Variants in NTF4 observed in about 807,000 individuals in gnomAD.
NTF4 encodes the protein neurotrophin-4.
In NTF4, 2 loss-of-function variants were observed where a neutral mutation model predicts 4.4. That is an observed-to-expected ratio of 0.46 (90% CI 0.19 to 1.44). NTF4 has a LOEUF of 1.44. Among genes scored for constraint, NTF4 ranks in the 40% most tolerant of loss-of-function variants. The pLI, the probability that NTF4 is intolerant of heterozygous loss-of-function variation, is 0.26. For missense variants in NTF4, 260 were observed against 293.0 expected (o/e 0.89, Z 0.82); for synonymous variants, 127 against 122.0 (o/e 1.04, Z -0.27).
At chr19:49,063,229 A>T (rs1055325857), upstream of NTF4, among the ~76,000 whole-genome samples, 1 of 150,646 alleles carries the variant, frequency 6.6e-6, no homozygotes, top group Non-Finnish European at 1.5e-5. Context: ...CTGGTCTTGA[A>T]CTCCCAACCT....
downstream of NTF4, among the ~76,000 whole-genome samples, chr19:49,060,069 A>AAAAAAAAC (rs71179077): frequency 7.6e-6 from 1 of 131,926 alleles, no homozygotes; most frequent in African/African-American, 2.7e-5. Flanking sequence ...AAAAAAAAAA[A>AAAAAAAAC]GCTTTTGGTC....
downstream of NTF4, among the ~76,000 whole-genome samples, chr19:49,059,682 G>C (rs920084995): frequency 1.7e-4 from 26 of 152,056 alleles, no homozygotes; most frequent in Admixed American, 3.3e-4. Context: ...TGGGGCGATG[G>C]GTAACATGTG....
downstream of NTF4, chr19:49,058,735 G>C (rs971860463): frequency 1.8e-4 from 34 of 185,698 alleles, no homozygotes; most frequent in Non-Finnish European, 2.0e-4. Flanking sequence ...ACCACGGGGG[G>C]CCACAGCGCA....
chr19:49,063,252 G>A (rs537416075), upstream of NTF4, among the ~76,000 whole-genome samples: 29 of 151,762 alleles, frequency 1.9e-4, no homozygotes, highest in Admixed American at 8.5e-4. Flanking sequence ...AGCAATAGTC[G>A]TGTCCTGGCC....
In NTF4 at chr19:49,061,865, G is replaced by A. The variant is rs1375951283; in HGVS notation, c.133C>T (p.Arg45Ter). The A allele has an allele frequency of 9.1e-6, 14 of 1,543,626 alleles. No homozygotes were observed. The highest frequency in any genetic ancestry group is 2.5e-5 in the East Asian group (1 of 40,696). ...GGGGCACCCCTAGACAGGACTACTC[G>A]GGGGGAGAGAAGGTCCCACTCAGGG... The change falls in exon 1 of 1, where the codon CGA (arginine) becomes TGA (stop). Residue 45 changes from arginine (R) to a stop codon, truncating the protein, a stop_gained. Transcript: ENST00000593537. LOFTEE classifies it low-confidence loss of function (END_TRUNC). The surrounding 1 kb of genome is among the most constrained non-coding windows in gnomAD (Gnocchi z 4.9).
rs749392406 is a variant in NTF4 at position 49,061,438 on chromosome 19, C to T, written c.560G>A (p.Arg187His). 23 of 1,613,884 alleles carry T rather than the reference C, an allele frequency of 1.4e-5. No homozygotes were observed. The highest frequency in any genetic ancestry group is 5.5e-5 in the South Asian group (5 of 91,086). The change falls in exon 1 of 1, where the codon CGT (arginine) becomes CAT (histidine). Residue 187 changes from arginine (R) to histidine (H), a missense_variant. By Grantham distance (29) the Arg-to-His change is conservative (BLOSUM62 0). Coordinates refer to ENST00000593537, the Ensembl canonical transcript of NTF4. This position sits in a 1 kb window ranked among gnomAD's most constrained non-coding sequence, Gnocchi z 4.9. ...AATTCGAATCCATCGCCAGCCCACA[C>T]GGCCCTGGGCATCAGCGGTCAATGC...
At chr19:49,058,467 A>G (rs117085749), downstream of NTF4, 291 of 610,728 alleles carry the variant, frequency 4.8e-4, no homozygotes, top group East Asian at 8.0e-3. Context: ...CTGGCATCCA[A>G]ATTCCCTGGC....
At position 49,061,122 on chromosome 19, in the gene NTF4, A is replaced by T. The variant is rs964333679; in HGVS notation, c.*243T>A. 1.8e-4 allele frequency: 118 copies of T among 642,434 alleles called. No homozygotes were observed. Among genetic ancestry groups the T allele is most frequent in the Non-Finnish European group, 2.7e-4 (102 of 381,268 alleles). The allele number at this position is 642,434 out of a possible 1,614,324, so 39.8% of individuals were successfully genotyped here. A position where few individuals can be genotyped will look rare whatever the true frequency, so the allele number is the denominator to read the frequency against. On this transcript the variant is annotated 3_prime_UTR_variant, in exon 1 of 1. Coordinates refer to ENST00000593537, the Ensembl canonical transcript of NTF4. The surrounding 1 kb of genome is among the most constrained non-coding windows in gnomAD (Gnocchi z 4.9). ...TAGGGATAAGAAACAGTAAACACTC[A>T]GTAAATAGTGGCTATTATTATTATA...
At chr19:49,058,641 G>A, downstream of NTF4, 1 of 366,242 alleles carries the variant, frequency 2.7e-6, no homozygotes, top group Non-Finnish European at 4.9e-6. Context: ...AAGGGTACGG[G>A]TGGGATAATG....
chr19:49,061,387 A>C lies in NTF4; in HGVS notation c.611T>G (p.Leu204Arg), dbSNP rs1184985946. The change falls in exon 1 of 1, where the codon CTC (leucine) becomes CGC (arginine). Residue 204 changes from leucine to arginine, a missense_variant. Coordinates refer to ENST00000593537, the Ensembl canonical transcript of NTF4. The surrounding 1 kb of genome is among the most constrained non-coding windows in gnomAD (Gnocchi z 4.9). The stretch of plus-strand genomic sequence containing the variant: ...GTCTCAGGCCCGGCCAGTCCGGCTG[A>C]GGAGTGTGCAGACGCAGGCAGTGTC... The C allele has an allele frequency of 1.2e-6, 2 of 1,612,774 alleles. No homozygotes were observed. Among genetic ancestry groups the C allele is most frequent in the South Asian group, 1.1e-5 (1 of 91,016 alleles).
chr19:49,061,641 C>A lies in NTF4; in HGVS notation c.357G>T (p.Glu119Asp), dbSNP rs1328555448. The change falls in exon 1 of 1, where the codon GAG becomes GAT. Residue 119 changes from glutamate to aspartate, a missense_variant. Transcript: ENST00000593537. This position sits in a 1 kb window ranked among gnomAD's most constrained non-coding sequence, Gnocchi z 4.9. ...CAGCTGCAGGCACCTCGCCCAACAC[C>A]TCCACCTCGCGCCCACGCAAGTCCA... The A allele has an allele frequency of 6.2e-7, 1 of 1,613,666 alleles. No homozygotes were observed. The highest frequency in any genetic ancestry group is 8.5e-7 in the Non-Finnish European group (1 of 1,179,994).
downstream of NTF4, among the ~76,000 whole-genome samples, chr19:49,059,790 G>A (rs969805301): frequency 2.0e-5 from 3 of 152,034 alleles, no homozygotes; most frequent in Non-Finnish European, 4.4e-5. Flanking sequence ...GCTCATGCCC[G>A]TAATCCCAGC....
downstream of NTF4, chr19:49,058,512 C>T: frequency 1.8e-6 from 1 of 544,332 alleles, no homozygotes; most frequent in Non-Finnish European, 3.2e-6. Flanking sequence ...CCAGGACCCT[C>T]CTCCTTCAGA....
chr19:49,059,963 G>C (rs2040112796), downstream of NTF4, among the ~76,000 whole-genome samples: 1 of 145,190 alleles, frequency 6.9e-6, no homozygotes, highest in Admixed American at 7.2e-5. Flanking sequence ...CTTCAACCCG[G>C]GAGGTGAAGG....
chr19:49,059,857 G>A (rs1424702981), downstream of NTF4, among the ~76,000 whole-genome samples: 23 of 151,742 alleles, frequency 1.5e-4, no homozygotes, highest in East Asian at 1.9e-4. Context: ...AGACCAGCCC[G>A]GCCAACATGG....
chr19:49,058,303 G>T (rs1418301063), downstream of NTF4: 11 of 1,507,500 alleles, frequency 7.3e-6, no homozygotes, highest in East Asian at 9.9e-5. Context: ...CCAGATGCGA[G>T]AATCCTGCTT....
chr19:49,061,852 G>A lies in NTF4; in HGVS notation c.146C>T (p.Ser49Phe), dbSNP rs576716713. ...AGGGGGCCCAGCAGGGGCACCCCTA[G>A]ACAGGACTACTCGGGGGGAGAGAAG... The change falls in exon 1 of 1, where the codon TCT becomes TTT. Residue 49 changes from serine (S) to phenylalanine (F), a missense_variant. Transcript: ENST00000593537. The surrounding 1 kb of genome is among the most constrained non-coding windows in gnomAD (Gnocchi z 4.9). The A allele has an allele frequency of 3.9e-6, 6 of 1,549,102 alleles. No individual in the cohort carries two copies. Among genetic ancestry groups the A allele is most frequent in the Non-Finnish European group, 5.2e-6 (6 of 1,145,934 alleles).
At chr19:49,059,359 G>T (rs867044889), downstream of NTF4, among the ~76,000 whole-genome samples, 1 of 152,086 alleles carries the variant, frequency 6.6e-6, no homozygotes. Flanking sequence ...GAAGTGCACC[G>T]GACCATAGCG....
Position 49,061,595 on chromosome 19 carries a change from A to G in NTF4, c.403T>C (p.Tyr135His). The stretch of plus-strand genomic sequence containing the variant: ...GCCTTGCAGCGGGTTTCAAAGAAGT[A>G]CTGGCGGAGGGGACTGCCGCCAGCT... Residue 135 changes from tyrosine (Y) to histidine (H), a missense_variant, in exon 1 of 1, where the codon TAC becomes CAC. By Grantham distance (83) the Tyr-to-His change is moderately conservative. Transcript: ENST00000593537. This position sits in a 1 kb window ranked among gnomAD's most constrained non-coding sequence, Gnocchi z 4.9. 2.5e-6 allele frequency: 4 copies of G among 1,614,024 alleles called. No homozygotes were observed. The highest frequency in any genetic ancestry group is 2.2e-5 in the South Asian group (2 of 91,088).
Sources: gnomAD v4.1 joint callset for allele counts (sites outside exome capture counted in the v4.1 genomes callset) on GRCh38, gnomAD v4.1.1 for gene constraint, Gnocchi (gnomAD v3.1) non-coding constraint, MANE v1.5 for transcripts, NCBI Gene and HGNC (gene_info 2026-07-23, HGNC 2026-07-21) for gene names.